The following CECR2 variants were observed in gnomAD, a reference collection of about 807,000 sequenced individuals.
CECR2 encodes CECR2 histone acetyl-lysine reader, also known as chromatin remodeling regulator CECR2.
CECR2 carries 30 observed loss-of-function variants against 154.5 expected under a neutral mutation model. The observed-to-expected ratio is 0.19, with a 90% CI of 0.15 to 0.26. The LOEUF (loss-of-function observed/expected upper bound fraction) is 0.26, where lower values mean the gene tolerates loss of function less well. CECR2 is among the 10% of genes least tolerant of loss of function. The pLI, the probability that CECR2 is intolerant of heterozygous loss-of-function variation, is 1.00. For missense variants in CECR2, 1,743 were observed against 1,829.3 expected (o/e 0.95, Z 0.86); for synonymous variants, 725 against 683.7 (o/e 1.06, Z -0.94).
chr22:17,465,146 A>G (rs1043894262), intron 1 of CECR2, among the ~76,000 whole-genome samples: 23 of 151,642 alleles, frequency 1.5e-4, no homozygotes, highest in South Asian at 1.0e-3. Context: ...ACAGGCGCCC[A>G]CCACCACGCC....
chr22:17,538,703 A>G lies in CECR2; in HGVS notation c.1340A>G (p.Tyr447Cys). Residue 447 changes from tyrosine (Y) to cysteine (C), a missense_variant, in exon 12 of 19, where the codon TAT (tyrosine) becomes TGT (cysteine). By Grantham distance (194) the Tyr-to-Cys change is radical. Transcript: ENST00000262608. ...WPFLEPVDES[Y>C]APNYYQIIKA... ...TTCTTGGAACCTGTGGATGAATCTT[A>G]TGCCCCTAACTATTATCAGATTATT... 6.2e-7 allele frequency: 1 copy of G among 1,613,976 alleles called. No individual in the cohort carries two copies. The highest frequency in any genetic ancestry group is 8.5e-7 in the Non-Finnish European group (1 of 1,179,862).
At chr22:17,498,409 T>G (rs1715252139) in intron 3 of CECR2, among the ~76,000 whole-genome samples, 1 of 148,588 alleles carries the variant, frequency 6.7e-6, no homozygotes, top group Admixed American at 6.7e-5. Flanking sequence ...AAAAAAAGTA[T>G]ATCCTCAAGG....
intron 2 of CECR2, among the ~76,000 whole-genome samples, chr22:17,496,235 C>T (rs373212882): frequency 1.5e-4 from 23 of 152,204 alleles, no homozygotes; most frequent in African/African-American, 4.6e-4. Flanking sequence ...CGGTGGCTCA[C>T]GCCTGTAATC....
chr22:17,546,439 T>A (rs2056615254), intron 16 of CECR2, among the ~76,000 whole-genome samples: 1 of 138,810 alleles, frequency 7.2e-6, no homozygotes, highest in Admixed American at 7.8e-5. Flanking sequence ...TGAGCCGAGA[T>A]CGCGCCACTG....
At chr22:17,551,170 A>G (rs933684338) in intron 17 of CECR2, among the ~76,000 whole-genome samples, 4 of 152,100 alleles carry the variant, frequency 2.6e-5, no homozygotes, top group African/African-American at 9.7e-5. Flanking sequence ...TAACCCCTCA[A>G]TACTTGAGCA....
intron 8 of CECR2, among the ~76,000 whole-genome samples, chr22:17,521,197 A>G (rs2056151508): frequency 6.6e-6 from 1 of 152,126 alleles, no homozygotes; most frequent in Non-Finnish European, 1.5e-5. Context: ...ACCAGTGATG[A>G]TGAGCATTTT....
At chr22:17,495,074 C>G (rs1044675072) in intron 2 of CECR2, among the ~76,000 whole-genome samples, 15 of 152,134 alleles carry the variant, frequency 9.9e-5, no homozygotes, top group Non-Finnish European at 1.8e-4. Flanking sequence ...AATATAACTA[C>G]CATAGATTAT....
At position 17,540,686 on chromosome 22, in the gene CECR2, G is replaced by GAGC; in HGVS notation, c.1777_1779dup (p.Ser594dup). On this transcript the variant is annotated inframe_insertion, in exon 14 of 19. Transcript: ENST00000262608. Reference sequence around the variant, plus strand: ...GAGCGCCCTCTTCTGGGGACGATCAGAGCAGCAGCTCCACACAGCCCCCGC... The same window carrying GAGC: ...GAGCGCCCTCTTCTGGGGACGATCAGAGCAGCAGCAGCTCCACACAGCCCCCGC... The GAGC allele has an allele frequency of 3.1e-6, 5 of 1,613,954 alleles. No individual in the cohort carries two copies. Among genetic ancestry groups the GAGC allele is most frequent in the Non-Finnish European group, 4.2e-6 (5 of 1,179,874 alleles).
intron 1 of CECR2, among the ~76,000 whole-genome samples, chr22:17,452,365 C>T (rs1484938400): frequency 1.3e-5 from 2 of 152,304 alleles, no homozygotes; most frequent in South Asian, 2.1e-4. Context: ...TGAGCTGCCA[C>T]TCCAGGCTGA....
chr22:17,552,787 TAAC>T, intron 18 of CECR2, 45 bp from the exon 19 acceptor site: 1 of 1,391,198 alleles, frequency 7.2e-7, no homozygotes, highest in Non-Finnish European at 9.7e-7. Context: ...TTTTTTTTTT[TAAC>T]AACCCAATTT....
At chr22:17,424,016 G>A (rs1006381779) in intron 1 of CECR2, among the ~76,000 whole-genome samples, 4 of 151,980 alleles carry the variant, frequency 2.6e-5, no homozygotes, top group African/African-American at 2.4e-5. Context: ...TTGTCACTCT[G>A]CATCTTCTAT....
intron 1 of CECR2, among the ~76,000 whole-genome samples, chr22:17,377,043 A>G (rs1250310795): frequency 1.3e-5 from 2 of 152,188 alleles, no homozygotes; most frequent in East Asian, 1.9e-4. Context: ...TGCCCCATCT[A>G]TAGACTCAGT....
intron 16 of CECR2, among the ~76,000 whole-genome samples, chr22:17,544,370 C>T (rs137947977): frequency 1.8e-3 from 273 of 151,618 alleles, no homozygotes; most frequent in African/African-American, 6.2e-3. Context: ...TGGTGGCAGG[C>T]GCCTGTAGTC....
intron 1 of CECR2, among the ~76,000 whole-genome samples, chr22:17,416,311 A>G (rs1468103504): frequency 6.6e-6 from 1 of 152,196 alleles, no homozygotes; most frequent in Non-Finnish European, 1.5e-5. Context: ...TGAGTCAAGA[A>G]GATGGAATAT....
chr22:17,508,599 C>G (rs1487882447), intron 7 of CECR2, among the ~76,000 whole-genome samples: 4 of 151,980 alleles, frequency 2.6e-5, no homozygotes, highest in Non-Finnish European at 5.9e-5. Context: ...GAGTAATAGG[C>G]TATACCCCAT....
chr22:17,433,751 A>G (rs12160465), intron 1 of CECR2, among the ~76,000 whole-genome samples: 18,550 of 152,154 alleles, frequency 0.12, 2,542 homozygotes, highest in African/African-American at 0.33. Context: ...GTGGCCTCCT[A>G]TCTTCACAGT....
intron 1 of CECR2, chr22:17,418,721 A>C (rs1257251129): frequency 1.9e-6 from 1 of 517,802 alleles, no homozygotes; most frequent in Non-Finnish European, 2.8e-6. Flanking sequence ...GGATTTGGGC[A>C]AAGACCCCAA....
At chr22:17,521,368 G>T (rs567864519) in intron 8 of CECR2, among the ~76,000 whole-genome samples, 2 of 152,086 alleles carry the variant, frequency 1.3e-5, no homozygotes, top group African/African-American at 2.4e-5. Flanking sequence ...GTGATACCCC[G>T]TCTCTACTAA....
At chr22:17,551,312 G>A (rs527573815) in intron 17 of CECR2, among the ~76,000 whole-genome samples, 4 of 152,052 alleles carry the variant, frequency 2.6e-5, no homozygotes, top group Non-Finnish European at 4.4e-5. Context: ...TTTTAGAGTC[G>A]TTTCTTTGTG....
Sources: gnomAD v4.1 joint callset for allele counts (sites outside exome capture counted in the v4.1 genomes callset) on GRCh38, gnomAD v4.1.1 for gene constraint, MANE v1.5 for transcripts, NCBI Gene and HGNC (gene_info 2026-07-23, HGNC 2026-07-21) for gene names.